Variants in CD5 observed in about 807,000 individuals in gnomAD.
CD5 encodes the protein CD5 molecule.
CD5 carries 36 observed loss-of-function variants against 60.3 expected under a neutral mutation model. That is an observed-to-expected ratio of 0.60 (90% CI 0.46 to 0.79). CD5 has a LOEUF of 0.79. Among genes scored for constraint, CD5 ranks in the 30% least tolerant of loss-of-function variants. CD5 has a pLI of 0.00. For missense variants in CD5, 540 were observed against 630.6 expected (o/e 0.86, Z 1.54); for synonymous variants, 230 against 257.6 (o/e 0.89, Z 1.03).
At position 61,118,962 on chromosome 11, in the gene CD5, A is replaced by G. The variant is rs1266037348; in HGVS notation, c.448A>G (p.Thr150Ala). ...PPTTRPPPTTTPEPTAPPRLQ... is the reference protein window; with the variant it reads ...PPTTRPPPTTAPEPTAPPRLQ... ...AACGACAAGGCCCCCGCCCACCACA[A>G]CTCCAGAGCCCACAGGTAAGAGGAT... The change falls in exon 4 of 11, where the codon ACT (threonine) becomes GCT (alanine). Residue 150 changes from threonine to alanine, a missense_variant. Transcript: ENST00000347785. The surrounding 1 kb of genome is among the most constrained non-coding windows in gnomAD (Gnocchi z 4.7). The G allele has an allele frequency of 6.2e-7, 1 of 1,613,142 alleles. No individual in the cohort carries two copies. The highest frequency in any genetic ancestry group is 1.3e-5 in the African/African-American group (1 of 74,774).
At chr11:61,115,181 A>C in intron 2 of CD5, 87 bp downstream of exon 2, 2 of 1,261,346 alleles carry the variant, frequency 1.6e-6, no homozygotes, top group South Asian at 1.3e-5. Flanking sequence ...CTCTCGATGA[A>C]GCCATCACTT....
chr11:61,117,733 A>C (rs1304720196), intron 2 of CD5, among the ~76,000 whole-genome samples: 1 of 152,156 alleles, frequency 6.6e-6, no homozygotes, highest in African/African-American at 2.4e-5. Flanking sequence ...TCCTGACCTC[A>C]GGTGATCTGC....
intron 1 of CD5, among the ~76,000 whole-genome samples, chr11:61,110,715 C>T (rs1320107317): frequency 6.6e-6 from 1 of 152,234 alleles, no homozygotes; most frequent in Non-Finnish European, 1.5e-5. Flanking sequence ...GCTGCTTGGA[C>T]AAGTCATTTA....
chr11:61,108,247 T>C (rs1016762235), intron 1 of CD5, among the ~76,000 whole-genome samples: 2 of 152,302 alleles, frequency 1.3e-5, no homozygotes, highest in South Asian at 2.1e-4. Flanking sequence ...GCGAAACTCA[T>C]GCAACAGCAG....
intron 2 of CD5, among the ~76,000 whole-genome samples, chr11:61,115,986 A>G: frequency 6.6e-6 from 1 of 152,192 alleles, no homozygotes; most frequent in Non-Finnish European, 1.5e-5. Flanking sequence ...CAGCCTGCAA[A>G]TCACCCCACC....
rs1861090128 is a variant in CD5 at position 61,122,957 on chromosome 11, A to T, written c.1150A>T (p.Ile384Phe). 6.2e-7 allele frequency: 1 copy of T among 1,614,040 alleles called. No homozygotes were observed. The highest frequency in any genetic ancestry group is 2.2e-5 in the East Asian group (1 of 44,890). The change falls in exon 7 of 11, where the codon ATC becomes TTC. Residue 384 changes from isoleucine (I) to phenylalanine (F), a missense_variant. Ile to Phe is a conservative substitution (Grantham distance 21). Coordinates refer to ENST00000347785, the MANE Select transcript of CD5 (RefSeq NM_014207.4). The part of the protein sequence containing the change: ...GLAAGTVASI[I>F]LALVLLVVLL... Reference sequence around the variant, plus strand: ...GGCCGCAGGCACGGTGGCAAGCATCATCCTGGCCCTGGTGCTCCTGGTGGT... The same window carrying T: ...GGCCGCAGGCACGGTGGCAAGCATCTTCCTGGCCCTGGTGCTCCTGGTGGT...
rs763388792 is a variant in CD5, at chr11:61,118,516, C to T, written c.400+36C>T. The T allele has an allele frequency of 2.5e-6, 4 of 1,597,526 alleles. No homozygotes were observed. In the African/African-American group the frequency reaches 5.4e-5, roughly 21 times the overall value. On this transcript the variant is annotated intron_variant, in intron 3 of 10. Transcript: ENST00000347785. This position sits in a 1 kb window ranked among gnomAD's most constrained non-coding sequence, Gnocchi z 4.7. Reference sequence around the variant, plus strand: ...AGCCAGCCACACGGGCACCCTGGGCCTGGGCGCCAGCCCCGAGGAGACTGC... The same window carrying T: ...AGCCAGCCACACGGGCACCCTGGGCTTGGGCGCCAGCCCCGAGGAGACTGC...
At chr11:61,096,458 C>T in the CD5 span, among the ~76,000 whole-genome samples, 1 of 152,212 alleles carries the variant, frequency 6.6e-6, no homozygotes, top group Admixed American at 6.5e-5. Flanking sequence ...CGGTCACCCC[C>T]TCATCCAAGA....
chr11:61,108,853 T>C (rs545612214), intron 1 of CD5, among the ~76,000 whole-genome samples: 5 of 152,148 alleles, frequency 3.3e-5, no homozygotes, highest in Non-Finnish European at 5.9e-5. Flanking sequence ...TAGAAAGAAA[T>C]GGGGTCTTCT....
Position 61,119,271 on chromosome 11 carries a change from C to T in CD5, c.501C>T (p.Gly167=). Residue 167 remains glycine (G), a synonymous_variant, in exon 5 of 11, where the codon GGC becomes GGT. Transcript: ENST00000347785. Reference sequence around the variant, plus strand: ...TGCAGCTGGTGGCACAGTCTGGCGGCCAGCACTGTGCCGGCGTGGTGGAGT... The same window carrying T: ...TGCAGCTGGTGGCACAGTCTGGCGGTCAGCACTGTGCCGGCGTGGTGGAGT... ...PRLQLVAQSG[G]QHCAGVVEFY... 6.2e-7 allele frequency: 1 copy of T among 1,612,670 alleles called. No homozygotes were observed. Among genetic ancestry groups the T allele is most frequent in the Middle Eastern group, 1.7e-4 (1 of 6,054 alleles).
chr11:61,124,954 A>G, intron 8 of CD5, 78 bp from the exon 9 acceptor site: 1 of 1,581,946 alleles, frequency 6.3e-7, no homozygotes, highest in South Asian at 1.1e-5. Context: ...ATAGGAGATT[A>G]AAGTTCTGGG....
At chr11:61,094,869 G>A in the CD5 span, among the ~76,000 whole-genome samples, 11 of 152,162 alleles carry the variant, frequency 7.2e-5, no homozygotes, top group Non-Finnish European at 1.2e-4. Flanking sequence ...GCCATCGGAA[G>A]GAAGCCTGGA....
chr11:61,099,634 CACACACATCAACATGGAGATCACAA>C (rs1590762496), upstream of CD5, among the ~76,000 whole-genome samples: 2 of 150,776 alleles, frequency 1.3e-5, no homozygotes, highest in East Asian at 2.0e-4. Context: ...AGATCACATT[CACACACATCAACATGGAGATCACAA>C]ACACACATCA....
Position 61,125,069 on chromosome 11 carries a change from C to T in CD5, c.1317C>T (p.Ser439=), listed in dbSNP as rs1307811033. 1 of 1,614,024 alleles carries T rather than the reference C, an allele frequency of 6.2e-7. No homozygotes were observed. Among genetic ancestry groups the T allele is most frequent in the African/African-American group, 1.3e-5 (1 of 74,922 alleles). The part of the protein sequence containing the change: ...FHRNHTATVR[S]HAENPTASHV... ...GCAACCACACGGCAACCGTCCGATCCCATGCTGAGAACCCCACAGCCTCCC... is the reference window on the plus strand; with the variant it reads ...GCAACCACACGGCAACCGTCCGATCTCATGCTGAGAACCCCACAGCCTCCC... The change falls in exon 9 of 11, where the codon TCC becomes TCT. Residue 439 remains serine (S), a synonymous_variant. Transcript: ENST00000347785.
At chr11:61,122,290 TGGTGGGTG>T (rs565706991) in intron 6 of CD5, among the ~76,000 whole-genome samples, 9 of 84,690 alleles carry the variant, frequency 1.1e-4, no homozygotes, top group African/African-American at 2.0e-4. Context: ...ATGGATGGAT[TGGTGGGTG>T]GGTGGGTGGG....
In CD5 at chr11:61,118,155, C is replaced by A. The variant is rs372945326; in HGVS notation, c.95-20C>A. The A allele has an allele frequency of 7.5e-6, 12 of 1,608,306 alleles. No homozygotes were observed. In the African/African-American group the frequency reaches 8.0e-5, roughly 11 times the overall value. On this transcript the variant is annotated intron_variant, in intron 2 of 10. Coordinates refer to ENST00000347785, the MANE Select transcript of CD5 (RefSeq NM_014207.4). This position sits in a 1 kb window ranked among gnomAD's most constrained non-coding sequence, Gnocchi z 4.7. ...GAACCCCTCCCAGCCTGACCCCCAC[C>A]ACACCTTTCTGACCCCCAGATTTCC...
the CD5 span, among the ~76,000 whole-genome samples, chr11:61,094,551 GC>G: frequency 6.6e-6 from 1 of 152,024 alleles, no homozygotes; most frequent in African/African-American, 2.4e-5. Flanking sequence ...GTCTTGGATT[GC>G]TTGATACTTT....
At chr11:61,111,503 G>A (rs1860855400) in intron 1 of CD5, among the ~76,000 whole-genome samples, 1 of 152,176 alleles carries the variant, frequency 6.6e-6, no homozygotes, top group African/African-American at 2.4e-5. Context: ...AATGAACGTT[G>A]AGTATGATGA....
chr11:61,093,979 C>T, the CD5 span, among the ~76,000 whole-genome samples: 2 of 152,090 alleles, frequency 1.3e-5, no homozygotes, highest in Non-Finnish European at 2.9e-5. Context: ...TGCTGATGCT[C>T]CCGGCTGAAT....
Sources: allele counts gnomAD v4.1 joint callset (sites outside exome capture counted in the v4.1 genomes callset), GRCh38; gene constraint gnomAD v4.1.1; non-coding constraint Gnocchi (gnomAD v3.1); transcripts MANE v1.5; gene names NCBI Gene and HGNC (gene_info 2026-07-23, HGNC 2026-07-21).